Variants in MRAP2 observed in about 807,000 individuals in gnomAD.
MRAP2 encodes melanocortin 2 receptor accessory protein 2, also known as melanocortin-2 receptor accessory protein 2.
A neutral mutation model predicts 17.4 loss-of-function variants in MRAP2; 20 were observed. The observed-to-expected ratio is 1.15, with a 90% CI of 0.81 to 1.67. The LOEUF (loss-of-function observed/expected upper bound fraction) is 1.67, where lower values mean the gene tolerates loss of function less well. Among genes scored for constraint, MRAP2 ranks in the 40% most tolerant of loss-of-function variants. The pLI is 0.00. For synonymous variants in MRAP2, 96 were observed against 88.4 expected (o/e 1.09, Z -0.48); for missense variants, 238 against 240.0 (o/e 0.99, Z 0.05).
intron 1 of MRAP2, among the ~76,000 whole-genome samples, chr6:84,040,263 C>T (rs1031351530): frequency 1.3e-5 from 2 of 152,202 alleles, no homozygotes; most frequent in Non-Finnish European, 2.9e-5. Context: ...TTGTAAGTTT[C>T]CTGAGGCCTC....
chr6:84,035,048 G>A (rs1343552706), intron 1 of MRAP2, among the ~76,000 whole-genome samples: 1 of 152,136 alleles, frequency 6.6e-6, no homozygotes, highest in East Asian at 1.9e-4. Flanking sequence ...GTTCTTATGA[G>A]GAAGATCATC....
intron 1 of MRAP2, among the ~76,000 whole-genome samples, chr6:84,040,169 A>G (rs1379441893): frequency 1.3e-5 from 2 of 152,162 alleles, no homozygotes; most frequent in Non-Finnish European, 2.9e-5. Flanking sequence ...ATGGTTTCAT[A>G]AGAGGCTTTC....
chr6:84,107,381 A>T, the MRAP2 span, among the ~76,000 whole-genome samples: 2 of 152,194 alleles, frequency 1.3e-5, no homozygotes, highest in African/African-American at 4.8e-5. Flanking sequence ...CTGGACCCCT[A>T]GAAATTTCAG....
Position 84,049,470 on chromosome 6 carries a change from C to A in MRAP2, c.-7-5842C>A, listed in dbSNP as rs563615923. On this transcript the variant is annotated intron_variant, in intron 1 of 3. Coordinates refer to ENST00000257776, the MANE Select transcript of MRAP2 (RefSeq NM_138409.4). The stretch of plus-strand genomic sequence containing the variant: ...ACAAACAAAACAACAACAACAACAA[C>A]AAAAAACTTACTAGCCTGTTTACTA... Among the ~76,000 whole-genome samples the A allele has an allele frequency of 5.5e-4, 84 of 152,090 alleles. No individual in the cohort carries two copies. The South Asian group carries it at 1.0e-2, about 18-fold the overall frequency.
chr6:84,034,925 C>T (rs2099485582), intron 1 of MRAP2, among the ~76,000 whole-genome samples: 1 of 151,976 alleles, frequency 6.6e-6, no homozygotes, highest in Admixed American at 6.6e-5. Context: ...CCTTTAGGTA[C>T]ATTGCATGGG....
intron 3 of MRAP2, among the ~76,000 whole-genome samples, chr6:84,085,581 A>G (rs1230678052): frequency 6.6e-6 from 1 of 152,230 alleles, no homozygotes; most frequent in Non-Finnish European, 1.5e-5. Flanking sequence ...AAAGATTTTC[A>G]GAAACAAGCA....
chr6:84,050,629 A>G (rs894161193), intron 1 of MRAP2, among the ~76,000 whole-genome samples: 10 of 152,354 alleles, frequency 6.6e-5, no homozygotes, highest in African/African-American at 2.4e-4. Context: ...TGCTGGAGGA[A>G]AGACAGCGTT....
chr6:84,099,905 C>T, the MRAP2 span, among the ~76,000 whole-genome samples: 667 of 151,562 alleles, frequency 4.4e-3, 7 homozygotes, highest in African/African-American at 0.015. Flanking sequence ...CTCTGTTCCC[C>T]AGGGGAGTAT....
the MRAP2 span, among the ~76,000 whole-genome samples, chr6:84,100,495 G>A: frequency 6.6e-6 from 1 of 152,050 alleles, no homozygotes; most frequent in Admixed American, 6.6e-5. Context: ...TTGAACTCCT[G>A]GGCTCAAGCA....
chr6:84,138,779 T>C, the MRAP2 span, among the ~76,000 whole-genome samples: 1 of 152,220 alleles, frequency 6.6e-6, no homozygotes, highest in Non-Finnish European at 1.5e-5. Flanking sequence ...TTCTTTCTTT[T>C]ATTGCTTTCA....
At chr6:84,139,871 G>GA in the MRAP2 span, among the ~76,000 whole-genome samples, 7 of 150,496 alleles carry the variant, frequency 4.7e-5, 1 homozygote. Context: ...GTGAGAAGGA[G>GA]AATCACAGGA....
At chr6:84,041,572 G>A (rs940266858) in intron 1 of MRAP2, among the ~76,000 whole-genome samples, 1 of 152,270 alleles carries the variant, frequency 6.6e-6, no homozygotes, top group African/African-American at 2.4e-5. Context: ...CAAAGCCACA[G>A]GGGTGAAGCT....
chr6:84,096,354 T>G, the MRAP2 span, among the ~76,000 whole-genome samples: 3 of 152,070 alleles, frequency 2.0e-5, no homozygotes, highest in East Asian at 5.8e-4. Context: ...AAGACAAATG[T>G]TAAAAATTTA....
Position 84,078,559 on chromosome 6 carries a change from C to T in MRAP2, c.228-10532C>T, listed in dbSNP as rs76588321. ...CAAAGCTCATGTTGAAATTTGATCC[C>T]GTGTGGCAGTTTTGGGAGGTGGGGC... On this transcript the variant is annotated intron_variant, in intron 3 of 3. Coordinates refer to ENST00000257776, the MANE Select transcript of MRAP2 (RefSeq NM_138409.4). 9.9e-5 allele frequency among the ~76,000 whole-genome samples: 15 copies of T among 152,206 alleles called. No individual in the cohort carries two copies. The East Asian group carries it at 2.1e-3, about 22-fold the overall frequency.
At chr6:84,058,454 A>G (rs886070378) in intron 2 of MRAP2, among the ~76,000 whole-genome samples, 1 of 152,204 alleles carries the variant, frequency 6.6e-6, no homozygotes, top group Non-Finnish European at 1.5e-5. Flanking sequence ...GAGAGGGGGA[A>G]GAGTATGGGA....
intron 1 of MRAP2, among the ~76,000 whole-genome samples, chr6:84,041,559 C>T (rs1051195877): frequency 6.6e-6 from 1 of 152,264 alleles, no homozygotes; most frequent in Non-Finnish European, 1.5e-5. Context: ...GGGCTGTACC[C>T]TACAAAGCCA....
chr6:84,099,451 A>G, the MRAP2 span, among the ~76,000 whole-genome samples: 29 of 152,074 alleles, frequency 1.9e-4, no homozygotes, highest in East Asian at 2.9e-3. Context: ...CCCCCTCCAA[A>G]TCTCATGTTT....
intron 1 of MRAP2, chr6:84,045,238 C>T: frequency 1.0e-6 from 1 of 985,376 alleles, no homozygotes; most frequent in Non-Finnish European, 1.2e-6. Flanking sequence ...TGACGCTGGA[C>T]ATGCTGGACA....
At chr6:84,067,018 C>T (rs1378005599) in intron 3 of MRAP2, among the ~76,000 whole-genome samples, 1 of 152,056 alleles carries the variant, frequency 6.6e-6, no homozygotes, top group East Asian at 1.9e-4. Flanking sequence ...TGTTTGTAGT[C>T]CTTTCTCCCT....
Sources: allele counts gnomAD v4.1 joint callset (sites outside exome capture counted in the v4.1 genomes callset), GRCh38; gene constraint gnomAD v4.1.1; transcripts MANE v1.5; gene names NCBI Gene and HGNC (gene_info 2026-07-23, HGNC 2026-07-21).